The following DNAAF2 variants were observed in gnomAD, a reference collection of about 807,000 sequenced individuals.
DNAAF2 encodes the protein dynein axonemal assembly factor 2.
A neutral mutation model predicts 48.8 loss-of-function variants in DNAAF2; 58 were observed. The ratio of observed to expected loss-of-function variants is 1.19; its 90% CI spans 0.96 to 1.48. The LOEUF is 1.48. DNAAF2 is among the 40% of genes most tolerant of loss of function. The probability of loss-of-function intolerance (pLI) is 0.00; values close to 1 mark genes in which losing one functional copy is unlikely to be tolerated. For synonymous variants in DNAAF2, 567 were observed against 481.2 expected, an observed-to-expected ratio of 1.18 and a Z score of -2.33; for missense variants, 1,241 against 1,116.1, an observed-to-expected ratio of 1.11 and a Z score of -1.59.
At chr14:49,631,013 T>C (rs1883147417) in intron 1 of DNAAF2, among the ~76,000 whole-genome samples, 1 of 152,120 alleles carries the variant, frequency 6.6e-6, no homozygotes, top group Non-Finnish European at 1.5e-5. Flanking sequence ...TCTCCCAAAG[T>C]TCCGGGGCTA....
In DNAAF2 at chr14:49,633,695, ACT is replaced by A. The variant is rs1283974261; in HGVS notation, c.1453_1454del (p.Ser485CysfsTer5). 2 of 1,603,614 alleles carry A rather than the reference ACT, an allele frequency of 1.2e-6. No homozygotes were observed. The highest frequency in any genetic ancestry group is 1.1e-5 in the South Asian group (1 of 90,670). ...LAWGSSAGRE[S>X]ARGDSSVETR... ...TTTCCACACTGCTATCTCCGCGCGC[ACT>A]CTCTCTTCCCGCAGAAGAACCCCAC... On this transcript the variant is annotated frameshift_variant, in exon 1 of 3. Transcript: ENST00000298292. LOFTEE classifies it high-confidence loss of function.
Position 49,634,290 on chromosome 14 carries a change from A to G in DNAAF2, c.860T>C (p.Ile287Thr). 6.2e-7 allele frequency: 1 copy of G among 1,612,036 alleles called. No homozygotes were observed. The highest frequency in any genetic ancestry group is 2.2e-5 in the East Asian group (1 of 44,848). ...GGCCGAGCGCAACAGCGGCAGTTCG[A>G]TGGTGATCACCAGCTCATGGGGCAC... ...SPVPHELVIT[I>T]ELPLLRSAEQ... The change falls in exon 1 of 3, where the codon ATC (isoleucine) becomes ACC (threonine). Residue 287 changes from isoleucine to threonine, a missense_variant. Coordinates refer to ENST00000298292, the MANE Select transcript of DNAAF2 (RefSeq NM_018139.3).
At position 49,635,063 on chromosome 14, in the gene DNAAF2, G is replaced by A. The variant is rs751212955; in HGVS notation, c.87C>T (p.Asp29=). The A allele has an allele frequency of 1.9e-6, 3 of 1,586,456 alleles. No homozygotes were observed. Among genetic ancestry groups the A allele is most frequent in the South Asian group, 1.1e-5 (1 of 87,104 alleles). The change falls in exon 1 of 3, where the codon GAC becomes GAT. Residue 29 remains aspartate, a synonymous_variant. Coordinates refer to ENST00000298292, the MANE Select transcript of DNAAF2 (RefSeq NM_018139.3). ...GGGAGAACATTCGCCGGAACTCCGG[G>A]TCCTGGAAGGCGGAGGTGAGCCGCT... The part of the protein sequence containing the change: ...EVQRLTSAFQ[D]PEFRRMFSQY...
At position 49,625,484 on chromosome 14, in the gene DNAAF2, A is replaced by C; in HGVS notation, c.*58T>G. ...TTTTAAGACAACAGTTAACAGAATC[A>C]ATTTTAGATACAGGTATTTTTTAAC... On this transcript the variant is annotated 3_prime_UTR_variant, in exon 3 of 3. Coordinates refer to ENST00000298292, the MANE Select transcript of DNAAF2 (RefSeq NM_018139.3). The C allele has an allele frequency of 8.3e-7, 1 of 1,211,492 alleles. No individual in the cohort carries two copies. Among genetic ancestry groups the C allele is most frequent in the Non-Finnish European group, 1.1e-6 (1 of 922,898 alleles). 75.0% of individuals were successfully genotyped at this position (1,211,492 alleles called of 1,614,324 possible). A position where few individuals can be genotyped will look rare whatever the true frequency, so the allele number is the denominator to read the frequency against.
chr14:49,633,508 G>C lies in DNAAF2; in HGVS notation c.1642C>G (p.Leu548Val). The C allele has an allele frequency of 1.2e-6, 2 of 1,614,068 alleles. No individual in the cohort carries two copies. The highest frequency in any genetic ancestry group is 1.7e-6 in the Non-Finnish European group (2 of 1,179,898). Residue 548 changes from leucine (L) to valine (V), a missense_variant, in exon 1 of 3, where the codon CTT (leucine) becomes GTT (valine). Transcript: ENST00000298292. The part of the protein sequence containing the change: ...IQVPRIQPQS[L>V]QGDLNPLWYK... ...CAGAGGGGATTCAAATCTCCTTGAAGACTTTGCGGCTGGATCCGAGGCACC... is the reference window on the plus strand; with the variant it reads ...CAGAGGGGATTCAAATCTCCTTGAACACTTTGCGGCTGGATCCGAGGCACC...
At chr14:49,629,738 T>G (rs982675374) in intron 1 of DNAAF2, 8 of 152,086 alleles carry the variant, frequency 5.3e-5, no homozygotes, top group Non-Finnish European at 1.0e-4. Context: ...ACTCCTGGAT[T>G]CAAGCTGTCC....
chr14:49,634,514 C>T lies in DNAAF2; in HGVS notation c.636G>A (p.Arg212=). Residue 212 remains arginine, a synonymous_variant, in exon 1 of 3, where the codon AGG becomes AGA. Coordinates refer to ENST00000298292, the MANE Select transcript of DNAAF2 (RefSeq NM_018139.3). The part of the protein sequence containing the change: ...RTPLPGVIPA[R]PDGEPKGPLP... ...GAGGACCCTTCGGCTCCCCGTCAGG[C>T]CTTGCGGGGATGACCCCGGGCAGGG... 3 of 1,600,266 alleles carry T rather than the reference C, an allele frequency of 1.9e-6. No individual in the cohort carries two copies. The highest frequency in any genetic ancestry group is 2.2e-5 in the South Asian group (2 of 90,916).
rs1367568045 is a variant in DNAAF2, at chr14:49,635,139, G to A, written c.11C>T (p.Ala4Val). 2 of 1,559,304 alleles carry A rather than the reference G, an allele frequency of 1.3e-6. No individual in the cohort carries two copies. Among genetic ancestry groups the A allele is most frequent in the South Asian group, 1.2e-5 (1 of 84,636 alleles). ...GTCCTCCAGCGACGAGGAGGCCGCC[G>A]CTTTGGCCATACTGTCCTGTGGCTC... MAKAAASSSLEDLD... is the reference protein window; with the variant it reads MAKVAASSSLEDLD... The change falls in exon 1 of 3, where the codon GCG becomes GTG. Residue 4 changes from alanine (A) to valine (V), a missense_variant. By Grantham distance (64) the Ala-to-Val change is moderately conservative. Transcript: ENST00000298292.
In DNAAF2 at chr14:49,625,906, A is replaced by G. The variant is rs1882992539; in HGVS notation, c.2150T>C (p.Leu717Pro). The change falls in exon 3 of 3, where the codon CTA (leucine) becomes CCA (proline). Residue 717 changes from leucine to proline, a missense_variant. Transcript: ENST00000298292. The part of the protein sequence containing the change: ...DSDSSIAVKA[L>P]QIDSFGLVTC... ...AACTAAACCAAAGCTATCTATTTGT[A>G]GTGCTTTAACTGCTATAGATGAATC... 6.2e-7 allele frequency: 1 copy of G among 1,613,476 alleles called. No homozygotes were observed. Among genetic ancestry groups the G allele is most frequent in the African/African-American group, 1.3e-5 (1 of 74,906 alleles).
intron 1 of DNAAF2, among the ~76,000 whole-genome samples, chr14:49,632,909 T>C (rs1407894646): frequency 1.0e-5 from 1 of 98,316 alleles, no homozygotes; most frequent in Non-Finnish European, 2.0e-5. Flanking sequence ...CTTCAAATTT[T>C]AAGTTGTTTT....
In DNAAF2 at chr14:49,625,661, G is replaced by C; in HGVS notation, c.2395C>G (p.Pro799Ala). 1 of 1,613,706 alleles carries C rather than the reference G, an allele frequency of 6.2e-7. No homozygotes were observed. Among genetic ancestry groups the C allele is most frequent in the Non-Finnish European group, 8.5e-7 (1 of 1,179,766 alleles). ...GTTTCTTTTATGCTGTCGAATCCAG[G>C]TATATTGTGAACCGTAGTTTTGTTC... The part of the protein sequence containing the change: ...LLNKTTVHNI[P>A]GFDSIKETNM... The change falls in exon 3 of 3, where the codon CCT (proline) becomes GCT (alanine). Residue 799 changes from proline to alanine, a missense_variant. Physicochemically the swap from Pro to Ala is conservative, Grantham distance 27 (BLOSUM62 -1). Transcript: ENST00000298292.
rs756821929 is a variant in DNAAF2 at position 49,634,315 on chromosome 14, C to T, written c.835G>A (p.Val279Met). The change falls in exon 1 of 3, where the codon GTG becomes ATG. Residue 279 changes from valine to methionine, a missense_variant. Val to Met is a conservative substitution (Grantham distance 21). Coordinates refer to ENST00000298292, the MANE Select transcript of DNAAF2 (RefSeq NM_018139.3). ...ATGGTGATCACCAGCTCATGGGGCACGGGGCTCGGGGCTGAGTCCCTGGAG... is the reference window on the plus strand; with the variant it reads ...ATGGTGATCACCAGCTCATGGGGCATGGGGCTCGGGGCTGAGTCCCTGGAG... ...RCSRDSAPSP[V>M]PHELVITIEL... 11 of 1,611,760 alleles carry T rather than the reference C, an allele frequency of 6.8e-6. No individual in the cohort carries two copies. The highest frequency in any genetic ancestry group is 1.1e-5 in the South Asian group (1 of 91,072).
chr14:49,634,244 T>C lies in DNAAF2; in HGVS notation c.906A>G (p.Val302=). The change falls in exon 1 of 3, where the codon GTA becomes GTG. Residue 302 remains valine (V), a synonymous_variant. Transcript: ENST00000298292. ...AGTCGAGGCACAGCAGCTTTCTCGT[T>C]ACCTCCAGCGCCGCCTGCTCGGCCG... ...LRSAEQAALE[V]TRKLLCLDSR... 1.2e-6 allele frequency: 2 copies of C among 1,612,364 alleles called. No homozygotes were observed. Among genetic ancestry groups the C allele is most frequent in the East Asian group, 2.2e-5 (1 of 44,868 alleles).
In DNAAF2 at chr14:49,634,641, T is replaced by C; in HGVS notation, c.509A>G (p.Glu170Gly). The change falls in exon 1 of 3, where the codon GAG (glutamate) becomes GGG (glycine). Residue 170 changes from glutamate to glycine, a missense_variant. Transcript: ENST00000298292. The stretch of plus-strand genomic sequence containing the variant: ...CACGCCGAACTGCTTCTCGACGGCC[T>C]CCAGGGCCGTGGCGTCCAGCATCTG... ...FRQMLDATALEAVEKQFGVKL... is the reference protein window; with the variant it reads ...FRQMLDATALGAVEKQFGVKL... 1 of 1,607,168 alleles carries C rather than the reference T, an allele frequency of 6.2e-7. No individual in the cohort carries two copies. Among genetic ancestry groups the C allele is most frequent in the Non-Finnish European group, 8.5e-7 (1 of 1,179,698 alleles).
chr14:49,634,557 G>A lies in DNAAF2; in HGVS notation c.593C>T (p.Ala198Val), dbSNP rs1265820367. 1.2e-6 allele frequency: 2 copies of A among 1,603,966 alleles called. No individual in the cohort carries two copies. Among genetic ancestry groups the A allele is most frequent in the South Asian group, 2.2e-5 (2 of 91,084 alleles). Residue 198 changes from alanine (A) to valine (V), a missense_variant, in exon 1 of 3, where the codon GCT (alanine) becomes GTT (valine). Transcript: ENST00000298292. ...LKAKYKGTPE[A>V]AVLRTPLPGV... ...GGGCAGGGGCGTGCGCAGCACCGCA[G>A]CCTCTGGGGTCCCCTTATACTTGGC...
Position 49,634,550 on chromosome 14 carries a change from C to A in DNAAF2, c.600G>T (p.Val200=), listed in dbSNP as rs750700782. The A allele has an allele frequency of 5.0e-6, 8 of 1,603,210 alleles. No homozygotes were observed. The African/African-American group carries it at 1.1e-4, about 21-fold the overall frequency. ...AKYKGTPEAA[V]LRTPLPGVIP... ...TGACCCCGGGCAGGGGCGTGCGCAG[C>A]ACCGCAGCCTCTGGGGTCCCCTTAT... The change falls in exon 1 of 3, where the codon GTG becomes GTT. Residue 200 remains valine, a synonymous_variant. Transcript: ENST00000298292.
rs1402029192 is a variant in DNAAF2, at chr14:49,625,601, C to T, written c.2455G>A (p.Asp819Asn). 1 of 1,610,840 alleles carries T rather than the reference C, an allele frequency of 6.2e-7. No homozygotes were observed. The highest frequency in any genetic ancestry group is 2.2e-5 in the East Asian group (1 of 44,786). Residue 819 changes from aspartate to asparagine, a missense_variant, in exon 3 of 3, where the codon GAT becomes AAT. Transcript: ENST00000298292. ...MQDGSVQVIK[D>N]HVTNCAFSFQ... ...CTGAATGCACAATTGGTCACATGAT[C>T]TTTAATGACCTGCACACTACCATCC...
intron 1 of DNAAF2, among the ~76,000 whole-genome samples, chr14:49,628,798 A>T (rs1214964399): frequency 6.6e-6 from 1 of 152,130 alleles, no homozygotes; most frequent in African/African-American, 2.4e-5. Context: ...TAGGGCTATA[A>T]ATGGGATCCC....
rs146272677 is a variant in DNAAF2, at chr14:49,633,562, C to G, written c.1588G>C (p.Asp530His). 1.9e-6 allele frequency: 3 copies of G among 1,613,892 alleles called. No individual in the cohort carries two copies. Among genetic ancestry groups the G allele is most frequent in the Non-Finnish European group, 2.5e-6 (3 of 1,179,894 alleles). Residue 530 changes from aspartate to histidine, a missense_variant, in exon 1 of 3, where the codon GAC becomes CAC. Asp to His is a moderately conservative substitution (Grantham distance 81, BLOSUM62 -1). Coordinates refer to ENST00000298292, the MANE Select transcript of DNAAF2 (RefSeq NM_018139.3). The stretch of plus-strand genomic sequence containing the variant: ...ATGAGCAGAGTCAAGGTTTCTTTGT[C>G]CTGATTACACAGTAACGGAGGACAC... ...PLCPPLLCNQDKETLTLLIQV... is the reference protein window; with the variant it reads ...PLCPPLLCNQHKETLTLLIQV...
Sources: allele counts gnomAD v4.1 joint callset (sites outside exome capture counted in the v4.1 genomes callset), GRCh38; gene constraint gnomAD v4.1.1; transcripts MANE v1.5; gene names NCBI Gene and HGNC (gene_info 2026-07-23, HGNC 2026-07-21).